The following DOK5 variants were observed in gnomAD, a reference collection of about 807,000 sequenced individuals.
DOK5 encodes the protein downstream of tyrosine kinase 5.
A neutral mutation model predicts 43.3 loss-of-function variants in DOK5; 27 were observed. The observed-to-expected ratio is 0.62, with a 90% CI of 0.46 to 0.86. The LOEUF (loss-of-function observed/expected upper bound fraction) is 0.86, where lower values mean the gene tolerates loss of function less well. Ranked by LOEUF, DOK5 falls within the 40% of genes least tolerant of loss-of-function variation. The pLI, the probability that DOK5 is intolerant of heterozygous loss-of-function variation, is 0.00. For missense variants in DOK5, 373 were observed against 392.9 expected, an observed-to-expected ratio of 0.95 and a Z score of 0.43; for synonymous variants, 146 against 140.1, an observed-to-expected ratio of 1.04 and a Z score of -0.30.
At chr20:54,568,179 GAA>G (rs2063850818) in intron 2 of DOK5, among the ~76,000 whole-genome samples, 1 of 152,076 alleles carries the variant, frequency 6.6e-6, no homozygotes, top group Non-Finnish European at 1.5e-5. Flanking sequence ...ATATTCTGAA[GAA>G]ACACACAATA....
At chr20:54,550,774 A>C (rs541869164) in intron 1 of DOK5, among the ~76,000 whole-genome samples, 2 of 152,268 alleles carry the variant, frequency 1.3e-5, no homozygotes, top group African/African-American at 4.8e-5. Context: ...GATGTACCAC[A>C]GTTCGTTTAA....
At chr20:54,561,432 C>G (rs1984901393) in intron 2 of DOK5, among the ~76,000 whole-genome samples, 1 of 152,186 alleles carries the variant, frequency 6.6e-6, no homozygotes, top group Non-Finnish European at 1.5e-5. Flanking sequence ...CCTTCTTCGT[C>G]TCTTGTTCTT....
At position 54,568,983 on chromosome 20, in the gene DOK5, CAAAA is replaced by C. The variant is rs10542523; in HGVS notation, c.174+13962_174+13965del. Among the ~76,000 whole-genome samples the C allele has an allele frequency of 5.9e-3, 568 of 96,196 alleles. 4 individuals carry two copies. The highest frequency in any genetic ancestry group is 0.02 in the African/African-American group (538 of 26,932). 63.1% of individuals were successfully genotyped at this position (96,196 alleles called of 152,430 possible). A position where few individuals can be genotyped will look rare whatever the true frequency, so the allele number is the denominator to read the frequency against. Reference sequence around the variant, plus strand: ...TTTCTGAAATGTATGGACTAAAACGCAAAAAAAAAAAAAAAAAAAAAATTCTGAT... The same window carrying C: ...TTTCTGAAATGTATGGACTAAAACGCAAAAAAAAAAAAAAAAAATTCTGAT... On this transcript the variant is annotated intron_variant, in intron 2 of 7. Transcript: ENST00000262593.
chr20:54,595,014 TG>T (rs1171838794), intron 5 of DOK5, among the ~76,000 whole-genome samples: 12 of 145,902 alleles, frequency 8.2e-5, no homozygotes, highest in African/African-American at 3.4e-4. Flanking sequence ...TGTGTGTATA[TG>T]GGGTGTGTGT....
At chr20:54,485,592 T>A (rs957545075) in intron 1 of DOK5, among the ~76,000 whole-genome samples, 1 of 152,240 alleles carries the variant, frequency 6.6e-6, no homozygotes. Flanking sequence ...TTGGCTATCA[T>A]GAATGAAGCT....
chr20:54,648,355 T>A (rs1979538663), intron 7 of DOK5, among the ~76,000 whole-genome samples: 1 of 152,134 alleles, frequency 6.6e-6, no homozygotes, highest in Non-Finnish European at 1.5e-5. Context: ...CAGACATAGT[T>A]AATTTCAGAT....
intron 6 of DOK5, among the ~76,000 whole-genome samples, chr20:54,633,990 C>A (rs1978692753): frequency 6.6e-6 from 1 of 152,174 alleles, no homozygotes; most frequent in South Asian, 2.1e-4. Flanking sequence ...AGTATTGAGG[C>A]TAAGACCTGC....
intron 1 of DOK5, among the ~76,000 whole-genome samples, chr20:54,513,454 A>T (rs1307089162): frequency 8.3e-6 from 1 of 120,194 alleles, no homozygotes; most frequent in Non-Finnish European, 1.7e-5. Flanking sequence ...TGCTTTAAAT[A>T]CTCTGAGCAA....
intron 1 of DOK5, among the ~76,000 whole-genome samples, chr20:54,491,559 T>C (rs1280877445): frequency 6.6e-6 from 1 of 152,154 alleles, no homozygotes; most frequent in Non-Finnish European, 1.5e-5. Flanking sequence ...CTGCCGGCCA[T>C]CTGCTATGAG....
intron 2 of DOK5, among the ~76,000 whole-genome samples, chr20:54,566,739 A>G (rs1001768257): frequency 6.6e-6 from 1 of 152,034 alleles, no homozygotes; most frequent in Non-Finnish European, 1.5e-5. Context: ...ACTTCAGCCT[A>G]CCAAGTAGCT....
intron 2 of DOK5, among the ~76,000 whole-genome samples, chr20:54,571,533 C>G (rs564547891): frequency 6.6e-6 from 1 of 152,176 alleles, no homozygotes; most frequent in East Asian, 1.9e-4. Context: ...GTTGTAGGAC[C>G]TTTGGCAGCA....
intron 2 of DOK5, among the ~76,000 whole-genome samples, chr20:54,556,304 A>G (rs1324749007): frequency 6.6e-6 from 1 of 152,184 alleles, no homozygotes; most frequent in Non-Finnish European, 1.5e-5. Context: ...GATTTCCTCT[A>G]TCATTTATCT....
At chr20:54,596,132 C>T (rs1190799479) in intron 5 of DOK5, among the ~76,000 whole-genome samples, 1 of 152,158 alleles carries the variant, frequency 6.6e-6, no homozygotes, top group Non-Finnish European at 1.5e-5. Context: ...TTTATACTTA[C>T]CATCAAGATG....
intron 1 of DOK5, among the ~76,000 whole-genome samples, chr20:54,505,336 C>T (rs963497781): frequency 3.9e-5 from 6 of 152,192 alleles, no homozygotes; most frequent in African/African-American, 1.4e-4. Context: ...TTGCACACCT[C>T]GCAGCAGCAA....
At chr20:54,617,510 A>G (rs1986852286) in intron 6 of DOK5, among the ~76,000 whole-genome samples, 1 of 152,044 alleles carries the variant, frequency 6.6e-6, no homozygotes, top group Admixed American at 6.6e-5. Context: ...TTTTGTAGAC[A>G]TGAGGTCTCC....
intron 1 of DOK5, among the ~76,000 whole-genome samples, chr20:54,494,278 G>A (rs758246344): frequency 4.6e-5 from 7 of 152,216 alleles, no homozygotes; most frequent in Non-Finnish European, 8.8e-5. Context: ...CACTTTTACC[G>A]ATTTCCTTCA....
intron 5 of DOK5, among the ~76,000 whole-genome samples, chr20:54,609,732 C>T (rs999763768): frequency 3.9e-5 from 6 of 151,980 alleles, no homozygotes; most frequent in African/African-American, 7.3e-5. Context: ...GTACAGATAC[C>T]GTTCTTCTTA....
chr20:54,556,357 T>C (rs934142751), intron 2 of DOK5, among the ~76,000 whole-genome samples: 13 of 152,218 alleles, frequency 8.5e-5, no homozygotes, highest in Non-Finnish European at 1.8e-4. Context: ...AATATATATA[T>C]TTTTTGTTCT....
At chr20:54,493,073 A>C (rs1343833244) in intron 1 of DOK5, among the ~76,000 whole-genome samples, 5 of 151,334 alleles carry the variant, frequency 3.3e-5, no homozygotes, top group African/African-American at 9.7e-5. Context: ...AAAAAAAAAA[A>C]AAAAAAAAGG....
Sources: gnomAD v4.1 joint callset for allele counts (sites outside exome capture counted in the v4.1 genomes callset) on GRCh38, gnomAD v4.1.1 for gene constraint, MANE v1.5 for transcripts, NCBI Gene and HGNC (gene_info 2026-07-23, HGNC 2026-07-21) for gene names.